STK32B: variants seen among roughly 807,000 people sequenced by gnomAD.
STK32B encodes serine/threonine-protein kinase 32B.
STK32B carries 43 observed loss-of-function variants against 52.6 expected under a neutral mutation model. That is an observed-to-expected ratio of 0.82 (90% confidence interval 0.64 to 1.05). The LOEUF is 1.05. STK32B is among the 50% of genes least tolerant of loss of function. The pLI, the probability that STK32B is intolerant of heterozygous loss-of-function variation, is 0.00. For missense variants in STK32B, 621 were observed against 534.6 expected, an observed-to-expected ratio of 1.16 and a Z score of -1.59; for synonymous variants, 238 against 204.3, an observed-to-expected ratio of 1.17 and a Z score of -1.41.
chr4:5,442,068 A>T (rs1486298137), intron 6 of STK32B, among the ~76,000 whole-genome samples: 1 of 111,400 alleles, frequency 9.0e-6, no homozygotes, highest in African/African-American at 3.4e-5. Context: ...TGCTGAAAAA[A>T]ATGTATATTC....
rs532389714 is a variant in STK32B, at chr4:5,461,061, C to T, written c.909+833C>T. On this transcript the variant is annotated intron_variant, in intron 9 of 11. Coordinates refer to ENST00000282908, the MANE Select transcript of STK32B (RefSeq NM_018401.3). ...GCCTGGAAGCCTCCTGTGGTCCCTT[C>T]CTGTTGAGCAGTTGCATTTCTCCTA... 2.3e-4 allele frequency among the ~76,000 whole-genome samples: 35 copies of T among 152,278 alleles called. No homozygotes were observed. The East Asian group carries it at 5.8e-3, about 25-fold the overall frequency.
rs1303193870 is a variant in STK32B at position 5,468,804 on chromosome 4, TG to T, written c.1106+735del. Among the ~76,000 whole-genome samples the T allele has an allele frequency of 1.6e-4, 24 of 152,128 alleles. 1 individual carries two copies. Among genetic ancestry groups the T allele is most frequent in the African/African-American group, 5.1e-4 (21 of 41,422 alleles). ...GAGGCCGGGCGCGGTGGCTCACACC[TG>T]TAATTCTAGCATTTTGGGAGGCTGA... On this transcript the variant is annotated intron_variant, in intron 11 of 11. Coordinates refer to ENST00000282908, the MANE Select transcript of STK32B (RefSeq NM_018401.3).
At chr4:5,276,054 C>T (rs543953365) in intron 3 of STK32B, among the ~76,000 whole-genome samples, 4 of 152,080 alleles carry the variant, frequency 2.6e-5, no homozygotes, top group African/African-American at 7.2e-5. Flanking sequence ...TTTCGGAGGC[C>T]GAGGCAGGCG....
intron 3 of STK32B, among the ~76,000 whole-genome samples, chr4:5,299,265 T>C (rs1560296407): frequency 6.6e-6 from 1 of 151,950 alleles, no homozygotes; most frequent in Non-Finnish European, 1.5e-5. Flanking sequence ...GATCCTTCTT[T>C]TTATCTTTTT....
intron 1 of STK32B, among the ~76,000 whole-genome samples, chr4:5,139,185 G>A (rs1458258901): frequency 6.6e-6 from 1 of 152,024 alleles, no homozygotes; most frequent in African/African-American, 2.4e-5. Flanking sequence ...AAGACCGGAT[G>A]TGGGGTAAGG....
rs1198416927 is a variant in STK32B at position 5,391,034 on chromosome 4, C to T, written c.435-7173C>T. 8.1e-5 allele frequency among the ~76,000 whole-genome samples: 12 copies of T among 147,318 alleles called. No homozygotes were observed. The South Asian group carries it at 1.5e-3, about 18-fold the overall frequency. ...ACGCTGGAGTGCAATGGTGCGATCT[C>T]GGCTCACTCTGCCTCCTAGGTTCAC... On this transcript the variant is annotated intron_variant, in intron 4 of 11. Coordinates refer to ENST00000282908, the MANE Select transcript of STK32B (RefSeq NM_018401.3).
chr4:5,272,208 G>C, intron 3 of STK32B, among the ~76,000 whole-genome samples: 1 of 142,722 alleles, frequency 7.0e-6, no homozygotes, highest in South Asian at 2.3e-4. Flanking sequence ...AGAGTTTTTA[G>C]CATGAAGGGT....
At chr4:5,061,626 A>G (rs537129165) in intron 1 of STK32B, among the ~76,000 whole-genome samples, 1 of 152,314 alleles carries the variant, frequency 6.6e-6, no homozygotes, top group South Asian at 2.1e-4. Flanking sequence ...CTTTGCAGGC[A>G]TCTGTGCTAT....
At chr4:5,056,997 G>A (rs1014927584) in intron 1 of STK32B, among the ~76,000 whole-genome samples, 1 of 152,104 alleles carries the variant, frequency 6.6e-6, no homozygotes, top group Non-Finnish European at 1.5e-5. Flanking sequence ...CTACTTAATC[G>A]TTTGATTCCA....
intron 1 of STK32B, among the ~76,000 whole-genome samples, chr4:5,126,948 A>G (rs548219483): frequency 7.4e-4 from 113 of 152,212 alleles, no homozygotes; most frequent in Non-Finnish European, 1.5e-3. Context: ...CAGAAAGGGG[A>G]GTGGTGATAG....
At chr4:5,219,836 A>C (rs1192288120) in intron 3 of STK32B, among the ~76,000 whole-genome samples, 1 of 152,302 alleles carries the variant, frequency 6.6e-6, no homozygotes, top group East Asian at 1.9e-4. Context: ...CTGCAGGCTT[A>C]TTTCTGTCAC....
intron 3 of STK32B, among the ~76,000 whole-genome samples, chr4:5,326,018 G>A (rs1731851587): frequency 1.3e-5 from 2 of 152,140 alleles, no homozygotes; most frequent in Admixed American, 1.3e-4. Flanking sequence ...GCCACAACCT[G>A]AATTATTGCT....
intron 11 of STK32B, among the ~76,000 whole-genome samples, chr4:5,477,348 T>C (rs1718320722): frequency 6.6e-6 from 1 of 152,098 alleles, no homozygotes; most frequent in Admixed American, 6.5e-5. Flanking sequence ...AGTCTCTGCC[T>C]GAGACCTCTG....
intron 3 of STK32B, among the ~76,000 whole-genome samples, chr4:5,217,199 G>C (rs1272632211): frequency 6.6e-6 from 1 of 152,184 alleles, no homozygotes; most frequent in Non-Finnish European, 1.5e-5. Context: ...AGACTAAAAT[G>C]ATTTAGAGGA....
At chr4:5,420,731 T>G (rs1712558721) in intron 6 of STK32B, among the ~76,000 whole-genome samples, 1 of 151,834 alleles carries the variant, frequency 6.6e-6, no homozygotes, top group Non-Finnish European at 1.5e-5. Flanking sequence ...CACAGGGGAG[T>G]GCTGAGAAGA....
intron 3 of STK32B, among the ~76,000 whole-genome samples, chr4:5,310,602 T>C (rs1730230628): frequency 6.6e-6 from 1 of 152,012 alleles, no homozygotes; most frequent in Non-Finnish European, 1.5e-5. Context: ...TTCAAATTAG[T>C]ATAGCCATTA....
intron 7 of STK32B, chr4:5,447,121 TC>T (rs1296382495): frequency 5.5e-6 from 1 of 183,486 alleles, no homozygotes; most frequent in Non-Finnish European, 1.1e-5. Flanking sequence ...TGTCTGATTT[TC>T]TAGCTGATTG....
At chr4:5,323,283 A>G (rs1188672120) in intron 3 of STK32B, among the ~76,000 whole-genome samples, 1 of 152,138 alleles carries the variant, frequency 6.6e-6, no homozygotes, top group Non-Finnish European at 1.5e-5. Context: ...GGAAACGGTG[A>G]TCACCTGCAA....
chr4:5,358,132 A>G (rs1253973764), intron 4 of STK32B, among the ~76,000 whole-genome samples: 4 of 152,312 alleles, frequency 2.6e-5, no homozygotes, highest in Admixed American at 2.6e-4. Flanking sequence ...AGAGAATCCA[A>G]TTTATTCCCT....
Sources: allele counts gnomAD v4.1 joint callset (sites outside exome capture counted in the v4.1 genomes callset), GRCh38; gene constraint gnomAD v4.1.1; transcripts MANE v1.5; gene names NCBI Gene and HGNC (gene_info 2026-07-23, HGNC 2026-07-21).